Variants in PACRG observed in about 807,000 individuals in gnomAD.
PACRG encodes parkin coregulated gene protein.
In PACRG, 29 loss-of-function variants were observed where a neutral mutation model predicts 29.7. That is an observed-to-expected ratio of 0.98 (90% CI 0.73 to 1.33). PACRG has a LOEUF of 1.33. Among genes scored for constraint, PACRG ranks in the 40% most tolerant of loss-of-function variants. The pLI is 0.00. For synonymous variants in PACRG, 116 were observed against 118.7 expected, an observed-to-expected ratio of 0.98 and a Z score of 0.15; for missense variants, 279 against 316.2, an observed-to-expected ratio of 0.88 and a Z score of 0.89.
At chr6:163,198,350 A>G (rs1451117687) in intron 4 of PACRG, among the ~76,000 whole-genome samples, 1 of 152,264 alleles carries the variant, frequency 6.6e-6, no homozygotes, top group Non-Finnish European at 1.5e-5. Context: ...AAAAAACACC[A>G]TCAAATACCT....
At chr6:162,947,625 T>TATATATATATATATATAATC (rs1799316955) in intron 2 of PACRG, among the ~76,000 whole-genome samples, 1 of 53,386 alleles carries the variant, frequency 1.9e-5, no homozygotes, top group Non-Finnish European at 3.6e-5. Flanking sequence ...TATATATATA[T>TATATATATATATATATAATC]ATATATATAT....
At chr6:162,851,312 C>T (rs1445118016) in intron 2 of PACRG, among the ~76,000 whole-genome samples, 4 of 152,192 alleles carry the variant, frequency 2.6e-5, no homozygotes, top group African/African-American at 4.8e-5. Flanking sequence ...CTCCTGCTGT[C>T]TCTTCACCCA....
intron 2 of PACRG, among the ~76,000 whole-genome samples, chr6:162,827,789 C>T (rs899738529): frequency 2.6e-5 from 4 of 152,036 alleles, no homozygotes; most frequent in African/African-American, 7.2e-5. Flanking sequence ...TCCATATCCA[C>T]CTCCTCTGCT....
intron 1 of PACRG, among the ~76,000 whole-genome samples, chr6:162,769,304 T>G: frequency 7.1e-6 from 1 of 141,234 alleles, no homozygotes; most frequent in Non-Finnish European, 1.6e-5. Context: ...GTTCAGCCAC[T>G]GGGAGTTTCG....
At chr6:163,097,052 T>G (rs1237318975) in intron 4 of PACRG, among the ~76,000 whole-genome samples, 1 of 152,216 alleles carries the variant, frequency 6.6e-6, no homozygotes, top group Non-Finnish European at 1.5e-5. Flanking sequence ...CTTGGCCCTC[T>G]CACATCATTG....
intron 2 of PACRG, among the ~76,000 whole-genome samples, chr6:162,984,021 A>T (rs4544887): frequency 0.5 from 74,739 of 149,998 alleles, 19,850 homozygotes; most frequent in East Asian, 0.73. Flanking sequence ...TTTTTTCTTT[A>T]AAAATTTTTT....
chr6:162,814,282 G>A lies in PACRG; in HGVS notation c.291+1G>A, dbSNP rs1787138205. 1.9e-6 allele frequency: 3 copies of A among 1,613,594 alleles called. No individual in the cohort carries two copies. The South Asian group carries it at 3.3e-5, about 18-fold the overall frequency. On this transcript the variant is annotated splice_donor_variant, in intron 2 of 4. Coordinates refer to ENST00000366888, the MANE Select transcript of PACRG (RefSeq NM_001080379.2). LOFTEE classifies it high-confidence loss of function. ...GAAAGGAAACAAAATCGCCTGGAAG[G>A]TAAGTCAGGGCACAGCTGTGCCGGC...
At chr6:162,961,921 T>C (rs1294452042) in intron 2 of PACRG, among the ~76,000 whole-genome samples, 4 of 152,070 alleles carry the variant, frequency 2.6e-5, no homozygotes, top group African/African-American at 9.7e-5. Flanking sequence ...CTGTCTTTGC[T>C]CACACTCTTT....
chr6:162,794,220 A>G (rs1785183561), intron 1 of PACRG, among the ~76,000 whole-genome samples: 1 of 152,096 alleles, frequency 6.6e-6, no homozygotes, highest in Admixed American at 6.6e-5. Context: ...AATGAAATTG[A>G]GCATTTTTAA....
rs1336777130 is a variant in PACRG at position 163,077,135 on chromosome 6, A to T, written c.464-12124A>T. 2.6e-5 allele frequency among the ~76,000 whole-genome samples: 4 copies of T among 152,376 alleles called. No homozygotes were observed. The East Asian group carries it at 7.7e-4, about 29-fold the overall frequency. On this transcript the variant is annotated intron_variant, in intron 3 of 4. Transcript: ENST00000366888. ...CGCATAAGACTCTCTCATATGAAAC[A>T]ACAGATGAAGGGTATAATGATATAG...
chr6:162,731,458 A>G (rs79956583), intron 1 of PACRG, among the ~76,000 whole-genome samples: 2 of 152,082 alleles, frequency 1.3e-5, no homozygotes, highest in Non-Finnish European at 2.9e-5. Context: ...GAGCATTTAT[A>G]TTGTTTTAGA....
intron 1 of PACRG, among the ~76,000 whole-genome samples, chr6:162,798,019 T>C (rs541435398): frequency 1.3e-5 from 2 of 152,298 alleles, no homozygotes; most frequent in South Asian, 4.1e-4. Flanking sequence ...ATGGTATTTT[T>C]CATCAATTAG....
intron 4 of PACRG, among the ~76,000 whole-genome samples, chr6:163,262,491 G>A (rs905244392): frequency 1.3e-5 from 2 of 151,622 alleles, no homozygotes; most frequent in African/African-American, 2.4e-5. Context: ...TGATCAAAGC[G>A]AATCACTCTG....
chr6:162,963,555 T>G (rs1436987339), intron 2 of PACRG, among the ~76,000 whole-genome samples: 1 of 150,482 alleles, frequency 6.6e-6, no homozygotes, highest in Non-Finnish European at 1.5e-5. Flanking sequence ...TATTTACACA[T>G]TATTGTGTAA....
intron 4 of PACRG, among the ~76,000 whole-genome samples, chr6:163,306,965 G>A (rs742329): frequency 2.0e-5 from 3 of 152,192 alleles, no homozygotes; most frequent in African/African-American, 7.2e-5. Context: ...TAGTTAAATA[G>A]CTAGTGAGTT....
intron 4 of PACRG, among the ~76,000 whole-genome samples, chr6:163,172,481 C>T (rs1779133343): frequency 6.6e-6 from 1 of 152,222 alleles, no homozygotes; most frequent in African/African-American, 2.4e-5. Context: ...TTAGTGTACA[C>T]ATGCACACAC....
At chr6:163,279,367 A>T (rs1323728617) in intron 4 of PACRG, among the ~76,000 whole-genome samples, 2 of 152,174 alleles carry the variant, frequency 1.3e-5, no homozygotes, top group Admixed American at 6.5e-5. Flanking sequence ...GACTTCCAGT[A>T]CTGTGTTGAA....
intron 1 of PACRG, among the ~76,000 whole-genome samples, chr6:162,770,939 G>A (rs576510031): frequency 1.1e-4 from 17 of 152,006 alleles, no homozygotes; most frequent in Non-Finnish European, 1.0e-4. Context: ...TTGTTGTCAC[G>A]GTTTTATATA....
At chr6:163,096,358 A>G (rs1814586479) in intron 4 of PACRG, among the ~76,000 whole-genome samples, 1 of 127,542 alleles carries the variant, frequency 7.8e-6, no homozygotes, top group African/African-American at 3.3e-5. Context: ...GGCTCAGGCC[A>G]CTCTGCCTAA....
Sources: allele counts gnomAD v4.1 joint callset (sites outside exome capture counted in the v4.1 genomes callset), GRCh38; gene constraint gnomAD v4.1.1; transcripts MANE v1.5; gene names NCBI Gene and HGNC (gene_info 2026-07-23, HGNC 2026-07-21).